The following ZC3H3 variants were observed in gnomAD, a reference collection of about 807,000 sequenced individuals.
ZC3H3 encodes zinc finger CCCH-type containing 3, also known as zinc finger CCCH domain-containing protein 3.
A neutral mutation model predicts 77.3 loss-of-function variants in ZC3H3; 36 were observed. The observed-to-expected ratio is 0.47, with a 90% confidence interval of 0.36 to 0.61. The LOEUF (loss-of-function observed/expected upper bound fraction) is 0.61. ZC3H3 is among the 20% of genes least tolerant of loss of function. The pLI, the probability that ZC3H3 is intolerant of heterozygous loss-of-function variation, is 0.00. For synonymous variants in ZC3H3, 626 were observed against 555.2 expected (o/e 1.13, Z -1.79); for missense variants, 1,331 against 1,312.2 (o/e 1.01, Z -0.22).
At position 143,536,281 on chromosome 8, in the gene ZC3H3, G is replaced by A. The variant is rs757727180; in HGVS notation, c.1537C>T (p.Arg513Trp). 51 of 1,611,616 alleles carry A rather than the reference G, an allele frequency of 3.2e-5. No homozygotes were observed. The highest frequency in any genetic ancestry group is 1.7e-4 in the South Asian group (15 of 90,816). ...CCTTCCTTGGTGGGGAGGTGGGCCCGGCTCGGTGGCAGGCGACATAGTCGG... is the reference window on the plus strand; with the variant it reads ...CCTTCCTTGGTGGGGAGGTGGGCCCAGCTCGGTGGCAGGCGACATAGTCGG... Reference protein sequence around the residue: ...THRLCRLPPSRAHLPTKEASS... With the variant: ...THRLCRLPPSWAHLPTKEASS... The change falls in exon 3 of 12, where the codon CGG (arginine) becomes TGG (tryptophan). Residue 513 changes from arginine (R) to tryptophan (W), a missense_variant. Arg to Trp is a moderately radical substitution (Grantham distance 101). This residue lies in a region of ZC3H3 where 978 missense variants were observed against 915.5 expected (regional missense o/e 1.07). Transcript: ENST00000262577.
At chr8:143,468,740 G>T in intron 5 of ZC3H3, 81 bp from the exon 6 acceptor site, 2 of 1,474,670 alleles carry the variant, frequency 1.4e-6, no homozygotes, top group Admixed American at 5.2e-5. Flanking sequence ...CTTAGTCGAG[G>T]CCCTCAGGGG....
chr8:143,536,546 C>T, intron 2 of ZC3H3, 93 bp from the exon 3 acceptor site: 1 of 1,317,952 alleles, frequency 7.6e-7, no homozygotes, highest in South Asian at 1.5e-5. Flanking sequence ...GTGGGAGCAG[C>T]TCCTGAAGGC....
At chr8:143,523,300 C>A (rs572595326) in intron 3 of ZC3H3, 8 of 984,910 alleles carry the variant, frequency 8.1e-6, no homozygotes, top group East Asian at 1.1e-4. Context: ...GACAGACGCA[C>A]GATGAAACCA....
At chr8:143,502,348 C>G (rs375152509) in intron 4 of ZC3H3, among the ~76,000 whole-genome samples, 1 of 152,246 alleles carries the variant, frequency 6.6e-6, no homozygotes, top group African/African-American at 2.4e-5. Flanking sequence ...TAAGGAGACA[C>G]GCGTGGGGAG....
At chr8:143,499,542 C>T (rs768979205) in intron 4 of ZC3H3, among the ~76,000 whole-genome samples, 4 of 152,184 alleles carry the variant, frequency 2.6e-5, no homozygotes, top group Non-Finnish European at 4.4e-5. Flanking sequence ...CAAAATCAGT[C>T]GAAACTCAGC....
At chr8:143,505,770 C>T (rs1228510580) in intron 4 of ZC3H3, among the ~76,000 whole-genome samples, 2 of 152,208 alleles carry the variant, frequency 1.3e-5, no homozygotes, top group Non-Finnish European at 2.9e-5. Context: ...GAGCCCATGG[C>T]CACCAACCAC....
intron 3 of ZC3H3, among the ~76,000 whole-genome samples, chr8:143,536,015 G>A (rs1822783291): frequency 6.6e-6 from 1 of 152,184 alleles, no homozygotes; most frequent in Admixed American, 6.5e-5. Context: ...CCATACCAAG[G>A]GACACACAGA....
Position 143,493,312 on chromosome 8 carries a change from T to C in ZC3H3, c.1715+14434A>G, listed in dbSNP as rs1032697060. Among the ~76,000 whole-genome samples the C allele has an allele frequency of 6.6e-5, 10 of 152,332 alleles. No individual in the cohort carries two copies. Among genetic ancestry groups the C allele is most frequent in the Middle Eastern group, 3.4e-3 (1 of 294 alleles). ...ATCTCCAGGAAAAAGTCCCTCTCCC[T>C]TTGTCCGGAAAAAGTCCCAGAGGAT... On this transcript the variant is annotated intron_variant, in intron 4 of 11. Coordinates refer to ENST00000262577, the MANE Select transcript of ZC3H3 (RefSeq NM_015117.3). The surrounding 1 kb of genome is among the most constrained non-coding windows in gnomAD (Gnocchi z 4.8).
chr8:143,526,663 C>T (rs890936362), intron 3 of ZC3H3, among the ~76,000 whole-genome samples: 4 of 152,156 alleles, frequency 2.6e-5, no homozygotes, highest in African/African-American at 4.8e-5. Flanking sequence ...GGGCCACTTA[C>T]GGGCAGCAGA....
chr8:143,473,837 C>T (rs764215966), intron 5 of ZC3H3, among the ~76,000 whole-genome samples: 112 of 152,320 alleles, frequency 7.4e-4, no homozygotes, highest in Admixed American at 9.8e-4. Context: ...CGGCCACAGG[C>T]GCCTGGGACC....
chr8:143,509,881 G>A (rs1219195882), intron 3 of ZC3H3, among the ~76,000 whole-genome samples: 3 of 152,164 alleles, frequency 2.0e-5, no homozygotes, highest in African/African-American at 7.2e-5. Flanking sequence ...CCTCCCTTCG[G>A]CTAAAATCAC....
intron 9 of ZC3H3, among the ~76,000 whole-genome samples, chr8:143,442,275 C>T (rs999224523): frequency 2.0e-5 from 3 of 152,056 alleles, no homozygotes; most frequent in Non-Finnish European, 2.9e-5. Context: ...TTCATTCCTG[C>T]GACACGGAGT....
chr8:143,534,046 G>T (rs1384349543), intron 3 of ZC3H3, among the ~76,000 whole-genome samples: 1 of 151,904 alleles, frequency 6.6e-6, no homozygotes, highest in Non-Finnish European at 1.5e-5. Flanking sequence ...CACTTTAAGA[G>T]ACTAAGGCAG....
intron 3 of ZC3H3, among the ~76,000 whole-genome samples, chr8:143,528,647 G>A (rs961821587): frequency 2.0e-5 from 3 of 152,224 alleles, no homozygotes; most frequent in East Asian, 3.9e-4. Context: ...ACATCTCAAA[G>A]GGGCAGGACA....
At chr8:143,471,251 C>T (rs563071938) in intron 5 of ZC3H3, among the ~76,000 whole-genome samples, 11 of 152,380 alleles carry the variant, frequency 7.2e-5, no homozygotes, top group South Asian at 2.1e-4. Context: ...CTCCAGGGCA[C>T]GTCCGTCTGG....
intron 3 of ZC3H3, among the ~76,000 whole-genome samples, chr8:143,522,179 C>T (rs537484451): frequency 2.6e-5 from 4 of 152,344 alleles, no homozygotes; most frequent in African/African-American, 9.6e-5. Context: ...CAGAGCCTGG[C>T]TCACTGCAAA....
chr8:143,454,770 G>A (rs377205729), intron 9 of ZC3H3, among the ~76,000 whole-genome samples: 12 of 152,086 alleles, frequency 7.9e-5, no homozygotes, highest in Non-Finnish European at 1.5e-4. Flanking sequence ...ATCTTGCACC[G>A]TCATGCTCTG....
chr8:143,527,114 G>A (rs1347167800), intron 3 of ZC3H3, among the ~76,000 whole-genome samples: 1 of 152,200 alleles, frequency 6.6e-6, no homozygotes, highest in East Asian at 1.9e-4. Flanking sequence ...CTGGCTGCCT[G>A]GTGGGGGTTA....
intron 5 of ZC3H3, among the ~76,000 whole-genome samples, chr8:143,472,149 T>C (rs2129891772): frequency 6.6e-6 from 1 of 152,342 alleles, no homozygotes; most frequent in African/African-American, 2.4e-5. Context: ...CACCAGCCTC[T>C]GTGCGCCAGA....
Sources: gnomAD v4.1 joint callset for allele counts (sites outside exome capture counted in the v4.1 genomes callset) on GRCh38, gnomAD v4.1.1 for gene constraint, gnomAD v4.1.1 regional missense constraint, Gnocchi (gnomAD v3.1) non-coding constraint, MANE v1.5 for transcripts, NCBI Gene and HGNC (gene_info 2026-07-23, HGNC 2026-07-21) for gene names.